RASGRP3: variants seen among roughly 807,000 people sequenced by gnomAD.
The protein encoded by RASGRP3 is RAS guanyl releasing protein 3, also known as ras guanyl-releasing protein 3.
In RASGRP3, 54 loss-of-function variants were observed where a neutral mutation model predicts 82.7. That is an observed-to-expected ratio of 0.65 (90% CI 0.52 to 0.82). RASGRP3 has a LOEUF of 0.82. Ranked by LOEUF, RASGRP3 falls within the 40% of genes least tolerant of loss-of-function variation. The pLI, the probability that RASGRP3 is intolerant of heterozygous loss-of-function variation, is 0.00. For synonymous variants in RASGRP3, 309 were observed against 300.5 expected (o/e 1.03, Z -0.29); for missense variants, 861 against 828.9 (o/e 1.04, Z -0.48).
intron 1 of RASGRP3, among the ~76,000 whole-genome samples, chr2:33,491,421 T>G (rs549095022): frequency 1.3e-5 from 2 of 152,136 alleles, no homozygotes; most frequent in South Asian, 4.2e-4. Flanking sequence ...ATAGATTGAT[T>G]AATCAATTGG....
rs574438121 is a variant in RASGRP3 at position 33,494,081 on chromosome 2, A to G, written c.-261+17374A>G. Among the ~76,000 whole-genome samples, 3 of 152,302 alleles carry G rather than the reference A, an allele frequency of 2.0e-5. No homozygotes were observed. The East Asian group carries it at 5.8e-4, about 29-fold the overall frequency. ...TTTTCCTTTCTTTTACTAACTCACTATTTACAACTTAGGCAAATCACCTTA... is the reference window on the plus strand; with the variant it reads ...TTTTCCTTTCTTTTACTAACTCACTGTTTACAACTTAGGCAAATCACCTTA... On this transcript the variant is annotated intron_variant, in intron 1 of 17. Coordinates refer to ENST00000403687, the MANE Select transcript of RASGRP3 (RefSeq NM_001139488.2).
At chr2:33,452,602 A>G (rs1665857638) in intron 2 of RASGRP3, among the ~76,000 whole-genome samples, 1 of 152,120 alleles carries the variant, frequency 6.6e-6, no homozygotes, top group Non-Finnish European at 1.5e-5. Flanking sequence ...CATCCTGTCC[A>G]TGAGATGGAC....
At chr2:33,507,233 A>G (rs1670466138) in intron 1 of RASGRP3, among the ~76,000 whole-genome samples, 1 of 152,124 alleles carries the variant, frequency 6.6e-6, no homozygotes, top group South Asian at 2.1e-4. Flanking sequence ...CATCTCTACT[A>G]AAAATACAAA....
At chr2:33,484,488 A>T (rs1254788182) in intron 1 of RASGRP3, among the ~76,000 whole-genome samples, 6 of 152,150 alleles carry the variant, frequency 3.9e-5, no homozygotes, top group African/African-American at 1.2e-4. Flanking sequence ...TATGCATGGA[A>T]TGCTTGCCGT....
chr2:33,522,989 A>T (rs1672176968), intron 7 of RASGRP3, among the ~76,000 whole-genome samples: 1 of 152,210 alleles, frequency 6.6e-6, no homozygotes, highest in African/African-American at 2.4e-5. Flanking sequence ...TAACATTCTG[A>T]AAATGTGTTT....
At chr2:33,529,996 A>G (rs1038655254) in intron 10 of RASGRP3, among the ~76,000 whole-genome samples, 16 of 152,308 alleles carry the variant, frequency 1.1e-4, no homozygotes, top group Non-Finnish European at 2.1e-4. Context: ...GCATAGCAGT[A>G]TACATTCCTT....
chr2:33,507,285 C>T (rs1670471517), intron 1 of RASGRP3, among the ~76,000 whole-genome samples: 1 of 152,096 alleles, frequency 6.6e-6, no homozygotes, highest in South Asian at 2.1e-4. Flanking sequence ...ATCCCAGGTA[C>T]TCGGAAGGCT....
rs546205962 is a variant in RASGRP3, at chr2:33,470,268, A to G, written c.-261+22325A>G. ...ACTTTCCAATACAGAAATGTATCAA[A>G]CTGTTTTTAATTTTCTCAGTAAAGT... is the stretch of plus-strand genomic sequence containing the variant. On this transcript the variant is annotated intron_variant, in intron 2 of 18. Transcript: ENST00000402538. Among the ~76,000 whole-genome samples, 10 of 152,206 alleles carry G rather than the reference A, an allele frequency of 6.6e-5. No homozygotes were observed. The East Asian group carries it at 1.9e-3, about 29-fold the overall frequency.
chr2:33,558,613 T>C (rs1676282106), intron 16 of RASGRP3, 59 bp from the exon 17 acceptor site: 2 of 1,436,182 alleles, frequency 1.4e-6, no homozygotes, highest in African/African-American at 2.8e-5. Flanking sequence ...GCACTAACCT[T>C]GATGCTTTGC....
intron 1 of RASGRP3, among the ~76,000 whole-genome samples, chr2:33,440,921 C>T (rs1231404167): frequency 6.6e-6 from 1 of 151,950 alleles, no homozygotes; most frequent in Non-Finnish European, 1.5e-5. Context: ...AAGACAAGGT[C>T]CCCCTCTATC....
At chr2:33,486,730 T>G (rs1414827563) in intron 1 of RASGRP3, among the ~76,000 whole-genome samples, 1 of 152,156 alleles carries the variant, frequency 6.6e-6, no homozygotes, top group Non-Finnish European at 1.5e-5. Flanking sequence ...ACATTTAAGC[T>G]GGGTATAAAA....
In RASGRP3 at chr2:33,516,612, T is replaced by G. The variant is rs1394132258; in HGVS notation, c.141T>G (p.Ser47=). The change falls in exon 4 of 18, where the codon TCT becomes TCG. Residue 47 remains serine, a synonymous_variant. Coordinates refer to ENST00000403687, the MANE Select transcript of RASGRP3 (RefSeq NM_001139488.2). ...IVLLMHRWYL[S]STELAEKLLC... is the part of the protein sequence containing the mutation. ...TACTGATGCACCGATGGTATTTATC[T>G]TCCACTGAATTGGCAGAAAAACTTC... The G allele has an allele frequency of 6.3e-7, 1 of 1,586,942 alleles. No individual in the cohort carries two copies. Among genetic ancestry groups the G allele is most frequent in the Non-Finnish European group, 8.6e-7 (1 of 1,160,972 alleles).
At position 33,559,035 on chromosome 2, in the gene RASGRP3, G is replaced by A; in HGVS notation, c.2064+5G>A. On this transcript the variant is annotated splice_donor_5th_base_variant and intron_variant, in intron 17 of 17. Transcript: ENST00000403687. ...GAGACCAGACAGGATGGTGAGGTAAGTGCTAGGTCAACCCACAAAGAAAAC... is the reference window on the plus strand; with the variant it reads ...GAGACCAGACAGGATGGTGAGGTAAATGCTAGGTCAACCCACAAAGAAAAC... The A allele has an allele frequency of 6.3e-7, 1 of 1,579,904 alleles. No individual in the cohort carries two copies. Among genetic ancestry groups the A allele is most frequent in the East Asian group, 2.2e-5 (1 of 44,508 alleles).
rs927261563 is a variant in RASGRP3 at position 33,527,117 on chromosome 2, A to G, written c.808-20A>G. ...GGAGGGAAAGTTGTTTGAAAATTCT[A>G]CTTTTCCATCTGTTCCCAGAACTGG... On this transcript the variant is annotated intron_variant, in intron 9 of 17. Coordinates refer to ENST00000403687, the MANE Select transcript of RASGRP3 (RefSeq NM_001139488.2). 4 of 1,611,966 alleles carry G rather than the reference A, an allele frequency of 2.5e-6. No individual in the cohort carries two copies. In the Admixed American group the frequency reaches 5.0e-5, roughly 20 times the overall value.
chr2:33,457,072 T>C (rs1330926115), intron 2 of RASGRP3, among the ~76,000 whole-genome samples: 1 of 152,024 alleles, frequency 6.6e-6, no homozygotes, highest in Non-Finnish European at 1.5e-5. Flanking sequence ...GGTTTCCTTA[T>C]GTTGACCAGG....
At chr2:33,439,044 C>T (rs971857541) in intron 1 of RASGRP3, among the ~76,000 whole-genome samples, 11 of 152,278 alleles carry the variant, frequency 7.2e-5, no homozygotes, top group South Asian at 2.1e-4. Flanking sequence ...AGGGGTATTG[C>T]ACGATGATTC....
chr2:33,456,990 C>T (rs1666075394), intron 2 of RASGRP3, among the ~76,000 whole-genome samples: 2 of 149,590 alleles, frequency 1.3e-5, no homozygotes, highest in South Asian at 4.2e-4. Context: ...GCAGCCTCTG[C>T]CTCCCAGGTT....
chr2:33,546,931 G>GTGACT (rs1465387627), intron 13 of RASGRP3, among the ~76,000 whole-genome samples: 1 of 151,758 alleles, frequency 6.6e-6, no homozygotes, highest in Non-Finnish European at 1.5e-5. Context: ...GCCGGGCGTG[G>GTGACT]TGACACATGT....
chr2:33,517,601 A>T (rs1484383098), intron 4 of RASGRP3, among the ~76,000 whole-genome samples: 1 of 152,194 alleles, frequency 6.6e-6, no homozygotes, highest in African/African-American at 2.4e-5. Context: ...CAGAGCAGAA[A>T]AGGATATTAG....
Sources: allele counts gnomAD v4.1 joint callset (sites outside exome capture counted in the v4.1 genomes callset), GRCh38; gene constraint gnomAD v4.1.1; transcripts MANE v1.5; gene names NCBI Gene and HGNC (gene_info 2026-07-23, HGNC 2026-07-21).